The following PPFIA3 variants were observed in gnomAD, a reference collection of about 807,000 sequenced individuals.
PPFIA3 encodes the protein liprin-alpha-3.
A neutral mutation model predicts 145.8 loss-of-function variants in PPFIA3; 26 were observed. The ratio of observed to expected loss-of-function variants is 0.18; its 90% CI spans 0.13 to 0.25. The LOEUF (loss-of-function observed/expected upper bound fraction) is 0.25. Ranked by LOEUF, PPFIA3 falls within the 10% of genes least tolerant of loss-of-function variation. The pLI is 1.00. For synonymous variants in PPFIA3, 645 were observed against 661.4 expected, an observed-to-expected ratio of 0.98 and a Z score of 0.38; for missense variants, 1,008 against 1,587.8, an observed-to-expected ratio of 0.63 and a Z score of 6.21.
chr19:49,124,870 C>G (rs1026461694), intron 1 of PPFIA3, among the ~76,000 whole-genome samples: 1 of 152,056 alleles, frequency 6.6e-6, no homozygotes, highest in Non-Finnish European at 1.5e-5. Context: ...TTGAGCTCAT[C>G]CTGGCTAACA....
chr19:49,148,927 G>A, intron 25 of PPFIA3, 66 bp from the exon 26 acceptor site: 1 of 1,591,844 alleles, frequency 6.3e-7, no homozygotes, highest in Non-Finnish European at 8.6e-7. Context: ...GGAGGTGGAG[G>A]TATGGGCTAA....
At chr19:49,131,260 C>T (rs1437130877) in intron 7 of PPFIA3, among the ~76,000 whole-genome samples, 1 of 149,612 alleles carries the variant, frequency 6.7e-6, no homozygotes, top group Non-Finnish European at 1.5e-5. Flanking sequence ...CCTCTGCCTC[C>T]CAGGTTCAAG....
rs757469681 is a variant in PPFIA3 at position 49,149,264 on chromosome 19, A to T, written c.3293A>T (p.Gln1098Leu). Residue 1098 changes from glutamine (Q) to leucine (L), a missense_variant, in exon 27 of 30, where the codon CAG (glutamine) becomes CTG (leucine). Coordinates refer to ENST00000334186, the MANE Select transcript of PPFIA3 (RefSeq NM_003660.4). The surrounding 1 kb of genome is among the most constrained non-coding windows in gnomAD (Gnocchi z 5.7). Reference sequence around the variant, plus strand: ...TCCACCTCCTCTTTCCAGGCCCGGCAGCTTCTGGAGAAGGAATTCAGCAAC... The same window carrying T: ...TCCACCTCCTCTTTCCAGGCCCGGCTGCTTCTGGAGAAGGAATTCAGCAAC... ...QIPTQNAQAR[Q>L]LLEKEFSNLI... 1 of 1,614,164 alleles carries T rather than the reference A, an allele frequency of 6.2e-7. No individual in the cohort carries two copies. The highest frequency in any genetic ancestry group is 2.2e-5 in the East Asian group (1 of 44,878).
chr19:49,130,467 G>A lies in PPFIA3; in HGVS notation c.747G>A (p.Val249=). The A allele has an allele frequency of 6.2e-7, 1 of 1,608,404 alleles. No homozygotes were observed. The highest frequency in any genetic ancestry group is 8.5e-7 in the Non-Finnish European group (1 of 1,178,030). Residue 249 remains valine, a synonymous_variant, in exon 7 of 30, where the codon GTG becomes GTA. Transcript: ENST00000334186. This position sits in a 1 kb window ranked among gnomAD's most constrained non-coding sequence, Gnocchi z 4.5. ...CCCTGGAGCGGCAGCGCGCCGAGGTGTGCCAGCTGCGGGAGCGCCTGGCGG... is the reference window on the plus strand; with the variant it reads ...CCCTGGAGCGGCAGCGCGCCGAGGTATGCCAGCTGCGGGAGCGCCTGGCGG... ...EEALERQRAE[V]CQLRERLAVL...
At chr19:49,148,357 C>T (rs555567089) in intron 24 of PPFIA3, 99 bp downstream of exon 24, 1 of 1,339,750 alleles carries the variant, frequency 7.5e-7, no homozygotes, top group African/African-American at 1.5e-5. Context: ...CCAGGCTTAT[C>T]TTGGCCCTTT....
chr19:49,147,686 A>AAGAGAG (rs143496485), intron 23 of PPFIA3, among the ~76,000 whole-genome samples: 26,361 of 145,550 alleles, frequency 0.18, 2,456 homozygotes, highest in East Asian at 0.23. Flanking sequence ...CTCTTTCAGA[A>AAGAGAG]AGAGAGAGAG....
At chr19:49,138,176 C>T in intron 15 of PPFIA3, 29 bp from the exon 16 acceptor site, 1 of 1,540,542 alleles carries the variant, frequency 6.5e-7, no homozygotes, top group Non-Finnish European at 8.8e-7. Flanking sequence ...TGCGGCCCCT[C>T]ACCCAGTTTC....
At position 49,150,449 on chromosome 19, in the gene PPFIA3, G is replaced by T; in HGVS notation, c.*227G>T. ...ACTGAGAGGGGGAAGAAGCGGGGAGGAAGAAATCCCGCCCCAAACGTCCGC... is the reference window on the plus strand; with the variant it reads ...ACTGAGAGGGGGAAGAAGCGGGGAGTAAGAAATCCCGCCCCAAACGTCCGC... On this transcript the variant is annotated 3_prime_UTR_variant, in exon 30 of 30. Coordinates refer to ENST00000334186, the MANE Select transcript of PPFIA3 (RefSeq NM_003660.4). 1 of 298,622 alleles carries T rather than the reference G, an allele frequency of 3.3e-6. No homozygotes were observed. The highest frequency in any genetic ancestry group is 6.2e-6 in the Non-Finnish European group (1 of 161,136). 18.5% of individuals were successfully genotyped at this position (298,622 alleles called of 1,614,324 possible). A position where few individuals can be genotyped will look rare whatever the true frequency, so the allele number is the denominator to read the frequency against.
chr19:49,130,477 C>A lies in PPFIA3; in HGVS notation c.757C>A (p.Arg253=). 2.5e-6 allele frequency: 4 copies of A among 1,606,192 alleles called. No homozygotes were observed. The highest frequency in any genetic ancestry group is 1.7e-4 in the Middle Eastern group (1 of 5,770). The change falls in exon 7 of 30, where the codon CGG becomes AGG. Residue 253 remains arginine, a synonymous_variant. Transcript: ENST00000334186. The surrounding 1 kb of genome is among the most constrained non-coding windows in gnomAD (Gnocchi z 4.5). ...ERQRAEVCQL[R]ERLAVLCRQM... ...GCAGCGCGCCGAGGTGTGCCAGCTGCGGGAGCGCCTGGCGGTGCTGTGCCG... is the reference window on the plus strand; with the variant it reads ...GCAGCGCGCCGAGGTGTGCCAGCTGAGGGAGCGCCTGGCGGTGCTGTGCCG...
At chr19:49,142,711 C>A in intron 20 of PPFIA3, 93 bp from the exon 21 acceptor site, 1 of 1,107,034 alleles carries the variant, frequency 9.0e-7, no homozygotes, top group Non-Finnish European at 1.3e-6. Context: ...TCCCCACCCC[C>A]TTGCCTTTCC....
In PPFIA3 at chr19:49,130,348, G is replaced by A. The variant is rs2041053078; in HGVS notation, c.658-30G>A. The A allele has an allele frequency of 6.4e-7, 1 of 1,551,538 alleles. No homozygotes were observed. The highest frequency in any genetic ancestry group is 8.8e-7 in the Non-Finnish European group (1 of 1,142,540). ...CCTCTGTGTCTCCGGAGACACTCTG[G>A]GATCTTGTCCCCTCCTTCCCTCACT... is the stretch of plus-strand genomic sequence containing the variant. On this transcript the variant is annotated intron_variant, in intron 6 of 29. Coordinates refer to ENST00000334186, the MANE Select transcript of PPFIA3 (RefSeq NM_003660.4). The surrounding 1 kb of genome is among the most constrained non-coding windows in gnomAD (Gnocchi z 4.5).
rs1435365943 is a variant in PPFIA3 at position 49,133,748 on chromosome 19, G to A, written c.1162-48G>A. Reference sequence around the variant, plus strand: ...TTGGAGGAGGTGGGGCTGGGAGCCTGACTGATCCTGGAAGGGTAAGTCACA... The same window carrying A: ...TTGGAGGAGGTGGGGCTGGGAGCCTAACTGATCCTGGAAGGGTAAGTCACA... On this transcript the variant is annotated intron_variant, in intron 9 of 29. Coordinates refer to ENST00000334186, the MANE Select transcript of PPFIA3 (RefSeq NM_003660.4). The surrounding 1 kb of genome is among the most constrained non-coding windows in gnomAD (Gnocchi z 7.2). 17 of 1,588,076 alleles carry A rather than the reference G, an allele frequency of 1.1e-5. No homozygotes were observed. The highest frequency in any genetic ancestry group is 1.5e-5 in the Non-Finnish European group (17 of 1,160,916).
At chr19:49,148,335 C>T in intron 24 of PPFIA3, 77 bp downstream of exon 24, 1 of 1,462,514 alleles carries the variant, frequency 6.8e-7, no homozygotes, top group South Asian at 1.3e-5. Context: ...TAGGATTGGC[C>T]ATGGGAGATT....
intron 1 of PPFIA3, among the ~76,000 whole-genome samples, chr19:49,124,574 A>G (rs1274568197): frequency 6.6e-6 from 1 of 152,192 alleles, no homozygotes; most frequent in Non-Finnish European, 1.5e-5. Context: ...ACTTAGGCCT[A>G]TGAGCGGTTC....
chr19:49,139,261 G>T (rs535747581), intron 16 of PPFIA3, among the ~76,000 whole-genome samples: 1 of 150,942 alleles, frequency 6.6e-6, no homozygotes, highest in East Asian at 2.0e-4. Flanking sequence ...GGAGGCAGAG[G>T]TTGCAGTGAG....
intron 1 of PPFIA3, chr19:49,125,347 G>A (rs1003516085): frequency 5.3e-5 from 8 of 152,344 alleles, no homozygotes; most frequent in Admixed American, 2.6e-4. Context: ...CGCTCAGACC[G>A]GTTATGCGTT....
intron 21 of PPFIA3, among the ~76,000 whole-genome samples, chr19:49,143,378 C>T (rs975524606): frequency 5.3e-5 from 8 of 152,072 alleles, no homozygotes; most frequent in Non-Finnish European, 1.0e-4. Context: ...TCTTTTCTTT[C>T]CTTTTTTTTT....
chr19:49,148,373 T>G, intron 24 of PPFIA3, 115 bp downstream of exon 24: 2 of 1,206,236 alleles, frequency 1.7e-6, no homozygotes, highest in South Asian at 3.2e-5. Flanking sequence ...CCTTTTAGCC[T>G]GAGTTCTCAG....
At chr19:49,123,080 G>A (rs1041258379) in intron 1 of PPFIA3, among the ~76,000 whole-genome samples, 2 of 150,998 alleles carry the variant, frequency 1.3e-5, no homozygotes, top group African/African-American at 4.9e-5. Flanking sequence ...CCAGGCTGGA[G>A]TGCAGTGGTA....
Sources: allele counts gnomAD v4.1 joint callset (sites outside exome capture counted in the v4.1 genomes callset), GRCh38; gene constraint gnomAD v4.1.1; non-coding constraint Gnocchi (gnomAD v3.1); transcripts MANE v1.5; gene names NCBI Gene and HGNC (gene_info 2026-07-23, HGNC 2026-07-21).